Variants in RPH3A observed in about 807,000 individuals in gnomAD.
RPH3A encodes the protein rabphilin 3A, also known as rabphilin-3A.
Under a neutral mutation model 102.2 loss-of-function variants are expected in RPH3A, and 48 were observed. That is an observed-to-expected ratio of 0.47 (90% confidence interval 0.37 to 0.60). RPH3A has a LOEUF of 0.60. RPH3A is among the 20% of genes least tolerant of loss of function. The probability of loss-of-function intolerance (pLI) is 0.00; values close to 1 mark genes in which losing one functional copy is unlikely to be tolerated. For synonymous variants in RPH3A, 310 were observed against 324.3 expected (o/e 0.96, Z 0.47); for missense variants, 781 against 910.1 (o/e 0.86, Z 1.83).
chr12:112,853,945 C>G (rs2042368040), intron 5 of RPH3A, among the ~76,000 whole-genome samples: 1 of 152,054 alleles, frequency 6.6e-6, no homozygotes, highest in Non-Finnish European at 1.5e-5. Flanking sequence ...AACCATAAAC[C>G]CAACTAAGAT....
intron 1 of RPH3A, among the ~76,000 whole-genome samples, chr12:112,703,058 G>A (rs1412976952): frequency 6.6e-6 from 1 of 152,168 alleles, no homozygotes; most frequent in East Asian, 1.9e-4. Flanking sequence ...TATCTCAAGA[G>A]GATGAGGAAG....
At chr12:112,778,876 G>T (rs921835742) in intron 1 of RPH3A, among the ~76,000 whole-genome samples, 3 of 152,204 alleles carry the variant, frequency 2.0e-5, no homozygotes, top group Non-Finnish European at 4.4e-5. Flanking sequence ...GTGGCCAGGG[G>T]ATGAGATAGA....
At chr12:112,887,065 T>C (rs1379291951) in intron 16 of RPH3A, among the ~76,000 whole-genome samples, 1 of 152,206 alleles carries the variant, frequency 6.6e-6, no homozygotes, top group Non-Finnish European at 1.5e-5. Context: ...GGGACATAAT[T>C]GGTGGAACTG....
chr12:112,634,557 A>AG (rs1233209822), intron 1 of RPH3A, among the ~76,000 whole-genome samples: 1 of 152,000 alleles, frequency 6.6e-6, no homozygotes, highest in Non-Finnish European at 1.5e-5. Flanking sequence ...CTCAAAAAAA[A>AG]AAAAAAAAAG....
chr12:112,731,223 G>T (rs2040632088), intron 1 of RPH3A, among the ~76,000 whole-genome samples: 1 of 152,046 alleles, frequency 6.6e-6, no homozygotes, highest in Non-Finnish European at 1.5e-5. Flanking sequence ...GAGAAAGAGA[G>T]AGAGTGGGAG....
chr12:112,676,300 C>T (rs1292879764), intron 1 of RPH3A, among the ~76,000 whole-genome samples: 1 of 152,048 alleles, frequency 6.6e-6, no homozygotes, highest in Non-Finnish European at 1.5e-5. Context: ...GATTTACTTT[C>T]CCACTGTCTT....
chr12:112,679,777 G>A (rs757933186), intron 1 of RPH3A, among the ~76,000 whole-genome samples: 4 of 152,268 alleles, frequency 2.6e-5, no homozygotes, highest in Non-Finnish European at 5.9e-5. Context: ...ATACAAGGGT[G>A]AGGGCAAAAC....
At chr12:112,797,274 A>G (rs796142149) in intron 2 of RPH3A, among the ~76,000 whole-genome samples, 57 of 152,324 alleles carry the variant, frequency 3.7e-4, no homozygotes, top group African/African-American at 1.3e-3. Context: ...CAGCCTTATT[A>G]GTCATTCACA....
intron 1 of RPH3A, among the ~76,000 whole-genome samples, chr12:112,658,371 T>C (rs1163642027): frequency 1.3e-5 from 2 of 152,044 alleles, no homozygotes; most frequent in Non-Finnish European, 2.9e-5. Flanking sequence ...GAGACGGGGT[T>C]TTGTCATGTT....
intron 1 of RPH3A, among the ~76,000 whole-genome samples, chr12:112,646,226 A>C (rs536579816): frequency 4.6e-5 from 7 of 152,330 alleles, no homozygotes; most frequent in Admixed American, 3.9e-4. Flanking sequence ...ATCATAGGTA[A>C]CAGTGACTCC....
chr12:112,751,990 T>C (rs1047389882), intron 1 of RPH3A, among the ~76,000 whole-genome samples: 6 of 152,138 alleles, frequency 3.9e-5, no homozygotes, highest in African/African-American at 1.4e-4. Flanking sequence ...AAATAAACAT[T>C]AGTGCTGCTT....
At chr12:112,891,456 G>A (rs371508479) in intron 19 of RPH3A, among the ~76,000 whole-genome samples, 138 of 152,180 alleles carry the variant, frequency 9.1e-4, no homozygotes, top group African/African-American at 3.2e-3. Context: ...AGAATAAAAG[G>A]GACTCTGTTA....
chr12:112,665,139 C>T (rs573146357), intron 1 of RPH3A, among the ~76,000 whole-genome samples: 1 of 152,258 alleles, frequency 6.6e-6, no homozygotes, highest in South Asian at 2.1e-4. Context: ...CCTACTGCCT[C>T]ATCCCTGTAC....
At chr12:112,675,482 G>T (rs2040168250) in intron 1 of RPH3A, among the ~76,000 whole-genome samples, 2 of 152,298 alleles carry the variant, frequency 1.3e-5, no homozygotes, top group African/African-American at 4.8e-5. Flanking sequence ...TCCTCATCTT[G>T]CAGGTGAGAA....
chr12:112,820,747 GAACT>G (rs1439729442), intron 2 of RPH3A, among the ~76,000 whole-genome samples: 2 of 152,250 alleles, frequency 1.3e-5, no homozygotes, highest in African/African-American at 4.8e-5. Context: ...AGTGGAGGAT[GAACT>G]CTGTGCCTAC....
Position 112,865,560 on chromosome 12 carries a change from C to T in RPH3A, c.360+17C>T. The T allele has an allele frequency of 6.2e-7, 1 of 1,611,592 alleles. No individual in the cohort carries two copies. Among genetic ancestry groups the T allele is most frequent in the Non-Finnish European group, 8.5e-7 (1 of 1,179,272 alleles). On this transcript the variant is annotated intron_variant, in intron 6 of 21. Coordinates refer to ENST00000389385, the MANE Select transcript of RPH3A (RefSeq NM_001143854.2). ...TGTAAGAAGGTATCATCATCCTCTT[C>T]TCCCTTCTTCCCTGTGCAGCACCTG...
rs141819432 is a variant in RPH3A at position 112,723,131 on chromosome 12, C to T, written c.-139-69012C>T. The stretch of plus-strand genomic sequence containing the variant: ...ATGTTGGTATGTATATACAGTTGGC[C>T]CTTGAGCAGTGTAGGGATTAGGGGA... On this transcript the variant is annotated intron_variant, in intron 1 of 21. Transcript: ENST00000543106. Among the ~76,000 whole-genome samples the T allele has an allele frequency of 9.9e-5, 15 of 152,174 alleles. No homozygotes were observed. In the East Asian group the frequency reaches 2.5e-3, roughly 25 times the overall value.
chr12:112,734,513 T>G (rs944422548), intron 1 of RPH3A, among the ~76,000 whole-genome samples: 2 of 152,196 alleles, frequency 1.3e-5, no homozygotes, highest in Non-Finnish European at 2.9e-5. Context: ...TTCTTGGATC[T>G]TGCTTAAGAA....
chr12:112,589,875 G>A (rs2039464795), intron 1 of RPH3A, among the ~76,000 whole-genome samples: 1 of 152,172 alleles, frequency 6.6e-6, no homozygotes, highest in Admixed American at 6.5e-5. Flanking sequence ...TTGAGGTCAG[G>A]AGTTCAAGAC....
Sources: allele counts gnomAD v4.1 joint callset (sites outside exome capture counted in the v4.1 genomes callset), GRCh38; gene constraint gnomAD v4.1.1; transcripts MANE v1.5; gene names NCBI Gene and HGNC (gene_info 2026-07-23, HGNC 2026-07-21).